Variants in ANKLE2 observed in about 807,000 individuals in gnomAD.
ANKLE2 encodes the protein ankyrin repeat and LEM domain containing 2.
A neutral mutation model predicts 84.2 loss-of-function variants in ANKLE2; 55 were observed. That is an observed-to-expected ratio of 0.65 (90% confidence interval 0.53 to 0.82). ANKLE2 has a LOEUF of 0.82. ANKLE2 is among the 40% of genes least tolerant of loss of function. The pLI is 0.00. For missense variants in ANKLE2, 1,238 were observed against 1,201.9 expected, an observed-to-expected ratio of 1.03 and a Z score of -0.44; for synonymous variants, 551 against 486.1, an observed-to-expected ratio of 1.13 and a Z score of -1.76.
chr12:132,749,370 G>A (rs59717739), intron 3 of ANKLE2, among the ~76,000 whole-genome samples: 8,645 of 152,184 alleles, frequency 0.057, 317 homozygotes, highest in East Asian at 0.11. Flanking sequence ...AGGCCAGGCT[G>A]GTCTCAAACT....
rs202123635 is a variant in ANKLE2 at position 132,755,082 on chromosome 12, T to C, written c.233A>G (p.Asp78Gly). The C allele has an allele frequency of 6.1e-5, 98 of 1,613,160 alleles. No individual in the cohort carries two copies. The African/African-American group carries it at 1.2e-3, about 20-fold the overall frequency. Residue 78 changes from aspartate (D) to glycine (G), a missense_variant, in exon 2 of 13, where the codon GAT (aspartate) becomes GGT (glycine). Around this residue, in one of 3 missense-constraint regions of ANKLE2, gnomAD observed 422 missense variants for 394.5 expected, o/e 1.07. Coordinates refer to ENST00000357997, the MANE Select transcript of ANKLE2 (RefSeq NM_015114.3). ...TTTGACGATTTCTTCTCTAAGGTCA[T>C]CTGGATTCAGAAGTTTCAATCGAGC... is the stretch of plus-strand genomic sequence containing the variant. ...LLARLKLLNP[D>G]DLREEIVKAG...
At chr12:132,753,162 A>C (rs983114165) in intron 2 of ANKLE2, among the ~76,000 whole-genome samples, 2 of 151,858 alleles carry the variant, frequency 1.3e-5, no homozygotes, top group Admixed American at 1.3e-4. Flanking sequence ...AATACAAAAA[A>C]ACTGGCGCGT....
intron 1 of ANKLE2, chr12:132,759,304 A>C (rs1287132333): frequency 6.6e-6 from 1 of 152,244 alleles, no homozygotes; most frequent in Non-Finnish European, 1.5e-5. Context: ...GAGTTATTTC[A>C]GTTTCTGGTA....
chr12:132,745,525 C>T (rs1236355200), intron 5 of ANKLE2: 2 of 152,914 alleles, frequency 1.3e-5, no homozygotes, highest in African/African-American at 4.8e-5. Context: ...GCTCCCACAG[C>T]AAGACAGAAG....
At chr12:132,730,342 T>TCCAAAACCTCCCCACTCCATCCGC (rs2043815619) in intron 10 of ANKLE2, 72 bp from the exon 11 acceptor site, 1 of 525,630 alleles carries the variant, frequency 1.9e-6, no homozygotes. Context: ...GCCCCATCCA[T>TCCAAAACCTCCCCACTCCATCCGC]GACCAACTGC....
In ANKLE2 at chr12:132,745,562, G is replaced by A. The variant is rs557531418; in HGVS notation, c.1230+2270C>T. 2.1e-4 allele frequency: 33 copies of A among 153,770 alleles called. No homozygotes were observed. The East Asian group carries it at 2.3e-3, about 11-fold the overall frequency. The allele number at this position is 153,770 out of a possible 1,614,324, so 9.5% of individuals were successfully genotyped here. A position where few individuals can be genotyped will look rare whatever the true frequency, so the allele number is the denominator to read the frequency against. On this transcript the variant is annotated intron_variant, in intron 5 of 12. Transcript: ENST00000357997. ...CCTCAACCAAGACAGAGACCTCAGC[G>A]GCCCTGTCCATGGTGGGCTCTGCCA...
Position 132,734,174 on chromosome 12 carries a change from G to A in ANKLE2, c.1891+211C>T, listed in dbSNP as rs1246224106. On this transcript the variant is annotated intron_variant, in intron 10 of 12. Transcript: ENST00000357997. ...GCAGAAGAATCGCTTGAACCCAGGAGGTGGAGGTTGCAGTGAGCCAAGATT... is the reference window on the plus strand; with the variant it reads ...GCAGAAGAATCGCTTGAACCCAGGAAGTGGAGGTTGCAGTGAGCCAAGATT... The A allele has an allele frequency of 3.5e-5, 21 of 603,250 alleles. 1 individual carries two copies. Among genetic ancestry groups the A allele is most frequent in the Non-Finnish European group, 5.6e-5 (19 of 339,912 alleles). The allele number at this position is 603,250 out of a possible 1,614,324, so 37.4% of individuals were successfully genotyped here. A position where few individuals can be genotyped will look rare whatever the true frequency, so the allele number is the denominator to read the frequency against.
chr12:132,753,971 G>C (rs571986979), intron 2 of ANKLE2, among the ~76,000 whole-genome samples: 38 of 152,122 alleles, frequency 2.5e-4, no homozygotes, highest in Non-Finnish European at 5.1e-4. Context: ...GGCCAGGCGC[G>C]GTGGCTCAAG....
At chr12:132,736,147 T>C (rs2044004634) in intron 8 of ANKLE2, among the ~76,000 whole-genome samples, 1 of 152,202 alleles carries the variant, frequency 6.6e-6, no homozygotes, top group Non-Finnish European at 1.5e-5. Context: ...GAGACGGGTT[T>C]CACCGTGTTA....
At chr12:132,746,353 A>AAAAAAAAAAAAG (rs2044239588) in intron 5 of ANKLE2, among the ~76,000 whole-genome samples, 1 of 151,446 alleles carries the variant, frequency 6.6e-6, no homozygotes, top group Non-Finnish European at 1.5e-5. Flanking sequence ...TGTCTCAAAA[A>AAAAAAAAAAAAG]AAAAAAAAAA....
chr12:132,729,306 G>A (rs1270724455), intron 11 of ANKLE2, among the ~76,000 whole-genome samples: 2 of 121,988 alleles, frequency 1.6e-5, no homozygotes, highest in African/African-American at 6.5e-5. Flanking sequence ...AGCTGTGATC[G>A]CACCACTGCA....
At chr12:132,737,939 A>C (rs914787634) in intron 7 of ANKLE2, 1 of 152,122 alleles carries the variant, frequency 6.6e-6, no homozygotes, top group African/African-American at 2.4e-5. Flanking sequence ...CTTTTTGTAG[A>C]GATGGGGTCT....
chr12:132,748,538 G>T (rs2044289167), intron 3 of ANKLE2, among the ~76,000 whole-genome samples: 1 of 152,106 alleles, frequency 6.6e-6, no homozygotes, highest in Non-Finnish European at 1.5e-5. Context: ...CGTCAGCAGA[G>T]CAAGTGAGGG....
At position 132,727,107 on chromosome 12, in the gene ANKLE2, T is replaced by C; in HGVS notation, c.*135A>G. On this transcript the variant is annotated 3_prime_UTR_variant, in exon 13 of 13. Transcript: ENST00000357997. ...AAGTGTTATATAGAACATTTAAATC[T>C]TCTAAAATTCTCACACCCTCAAAGT... 1 of 961,534 alleles carries C rather than the reference T, an allele frequency of 1.0e-6. No homozygotes were observed. Among genetic ancestry groups the C allele is most frequent in the Non-Finnish European group, 1.5e-6 (1 of 683,804 alleles). 59.6% of individuals were successfully genotyped at this position (961,534 alleles called of 1,614,324 possible).
chr12:132,727,290 C>A lies in ANKLE2; in HGVS notation c.2769G>T (p.Gly923=), dbSNP rs772144731. ...GGCGCGCCATCCTGCGGAGCTGGCTCCCGTGCACGGGGCTGTAGCGCCCAG... is the reference window on the plus strand; with the variant it reads ...GGCGCGCCATCCTGCGGAGCTGGCTACCGTGCACGGGGCTGTAGCGCCCAG... ...GSPGRYSPVH[G]SQLRRMARLA... is the part of the protein sequence containing the mutation. The change falls in exon 13 of 13, where the codon GGG becomes GGT. Residue 923 remains glycine (G), a synonymous_variant. Transcript: ENST00000357997. 1.3e-6 allele frequency: 2 copies of A among 1,566,696 alleles called. No homozygotes were observed. The highest frequency in any genetic ancestry group is 4.8e-5 in the East Asian group (2 of 42,002).
chr12:132,741,436 A>G lies in ANKLE2; in HGVS notation c.1403T>C (p.Ile468Thr). Residue 468 changes from isoleucine to threonine, a missense_variant, in exon 7 of 13, where the codon ATC becomes ACC. Physicochemically the swap from Ile to Thr is moderately conservative, Grantham distance 89. This residue lies in a region of ANKLE2 where 802 missense variants were observed against 774.5 expected (regional missense o/e 1.04). Coordinates refer to ENST00000357997, the MANE Select transcript of ANKLE2 (RefSeq NM_015114.3). ...KNKSVELKER[I>T]REYLKGHYYV... is the part of the protein sequence containing the mutation. ...CATCTTACCCTTTAAATACTCTCTGATCCGCTCCTTCAGTTCCACAGATTT... is the reference window on the plus strand; with the variant it reads ...CATCTTACCCTTTAAATACTCTCTGGTCCGCTCCTTCAGTTCCACAGATTT... The G allele has an allele frequency of 6.2e-7, 1 of 1,614,176 alleles. No individual in the cohort carries two copies. Among genetic ancestry groups the G allele is most frequent in the Non-Finnish European group, 8.5e-7 (1 of 1,180,032 alleles).
chr12:132,728,390 G>A (rs984417346), intron 11 of ANKLE2, among the ~76,000 whole-genome samples: 8 of 152,040 alleles, frequency 5.3e-5, no homozygotes, highest in African/African-American at 9.7e-5. Context: ...CACCACGCCC[G>A]GCTAATTTTT....
At chr12:132,749,653 T>C (rs1326298053) in intron 3 of ANKLE2, among the ~76,000 whole-genome samples, 1 of 152,126 alleles carries the variant, frequency 6.6e-6, no homozygotes, top group Non-Finnish European at 1.5e-5. Flanking sequence ...CAGACAACTG[T>C]GAGCTGCGAG....
intron 2 of ANKLE2, among the ~76,000 whole-genome samples, chr12:132,753,301 T>TGA (rs1228959287): frequency 6.7e-6 from 1 of 149,934 alleles, no homozygotes; most frequent in Non-Finnish European, 1.5e-5. Context: ...CCAACCTGGG[T>TGA]GAGAGAGAGA....
Sources: gnomAD v4.1 joint callset for allele counts (sites outside exome capture counted in the v4.1 genomes callset) on GRCh38, gnomAD v4.1.1 for gene constraint, gnomAD v4.1.1 regional missense constraint, MANE v1.5 for transcripts, NCBI Gene and HGNC (gene_info 2026-07-23, HGNC 2026-07-21) for gene names.